PBX1: variants seen among roughly 807,000 people sequenced by gnomAD.
The protein encoded by PBX1 is PBX homeobox 1.
A neutral mutation model predicts 53.4 loss-of-function variants in PBX1; 6 were observed. That is an observed-to-expected ratio of 0.11 (90% CI 0.06 to 0.22). The LOEUF (loss-of-function observed/expected upper bound fraction) is 0.22. PBX1 is among the 10% of genes least tolerant of loss of function. The pLI is 1.00. For missense variants in PBX1, 251 were observed against 551.4 expected, an observed-to-expected ratio of 0.46 and a Z score of 5.46; for synonymous variants, 204 against 212.3, an observed-to-expected ratio of 0.96 and a Z score of 0.34.
intron 6 of PBX1, chr1:164,815,774 G>C (rs1417575287): frequency 6.6e-6 from 1 of 152,168 alleles, no homozygotes; most frequent in Non-Finnish European, 1.5e-5. Context: ...ATTCAATTAA[G>C]TTCACCTGGT....
At chr1:164,629,562 A>G (rs1245862139) in intron 2 of PBX1, among the ~76,000 whole-genome samples, 1 of 152,236 alleles carries the variant, frequency 6.6e-6, no homozygotes, top group African/African-American at 2.4e-5. Flanking sequence ...TGTCTTGCTA[A>G]GATCACTCAT....
At chr1:164,816,189 A>G (rs978334764) in intron 6 of PBX1, 49 of 152,208 alleles carry the variant, frequency 3.2e-4, no homozygotes, top group African/African-American at 1.1e-3. Flanking sequence ...ATACATACCT[A>G]TTGAAGGGTT....
At chr1:164,627,262 A>G (rs1658108250) in intron 2 of PBX1, among the ~76,000 whole-genome samples, 1 of 152,218 alleles carries the variant, frequency 6.6e-6, no homozygotes, top group South Asian at 2.1e-4. Context: ...CATAAGTTAC[A>G]GTCCCCTTTC....
At chr1:164,563,195 C>T in intron 1 of PBX1, 43 bp from the exon 2 acceptor site, 2 of 1,400,212 alleles carry the variant, frequency 1.4e-6, no homozygotes, top group African/African-American at 2.9e-5. Context: ...GCAGTTTGAT[C>T]TTGAGAGTCC....
intron 2 of PBX1, among the ~76,000 whole-genome samples, chr1:164,869,190 G>A (rs1040383269): frequency 6.6e-6 from 1 of 152,148 alleles, no homozygotes; most frequent in Non-Finnish European, 1.5e-5. Context: ...CCCTGAACAT[G>A]CCCGATCTCG....
chr1:164,588,903 T>C (rs1376056605), intron 2 of PBX1, among the ~76,000 whole-genome samples: 2 of 152,104 alleles, frequency 1.3e-5, no homozygotes, highest in African/African-American at 2.4e-5. Flanking sequence ...CCCTCTTTTT[T>C]CCTTTCTGTT....
At chr1:164,723,533 GTCATGCCATCTGACCA>G (rs1455418665) in intron 2 of PBX1, among the ~76,000 whole-genome samples, 1 of 152,186 alleles carries the variant, frequency 6.6e-6, no homozygotes, top group African/African-American at 2.4e-5. Flanking sequence ...CAAACCCTCA[GTCATGCCATCTGACCA>G]TCTGAGGTTG....
intron 2 of PBX1, among the ~76,000 whole-genome samples, chr1:164,635,503 C>T (rs1038603384): frequency 1.3e-5 from 2 of 152,244 alleles, no homozygotes; most frequent in Non-Finnish European, 2.9e-5. Flanking sequence ...ACTCGACAGG[C>T]GTTTGTCGGA....
intron 2 of PBX1, among the ~76,000 whole-genome samples, chr1:164,616,103 GTC>G (rs138509579): frequency 1.3e-5 from 2 of 151,062 alleles, no homozygotes; most frequent in Non-Finnish European, 1.5e-5. Flanking sequence ...AGTTGGCTTA[GTC>G]TCTCTCTCTC....
At chr1:164,703,542 C>T (rs1557953692) in intron 2 of PBX1, among the ~76,000 whole-genome samples, 1 of 152,130 alleles carries the variant, frequency 6.6e-6, no homozygotes, top group African/African-American at 2.4e-5. Context: ...AAAATGGCTC[C>T]CTGCTCATTA....
chr1:164,780,430 CT>C (rs1215217069), intron 2 of PBX1, among the ~76,000 whole-genome samples: 1 of 152,158 alleles, frequency 6.6e-6, no homozygotes, highest in Non-Finnish European at 1.5e-5. Context: ...GTCGAGAAGC[CT>C]TGTTCAGGAT....
chr1:164,726,925 A>AC (rs1664728631), intron 2 of PBX1, among the ~76,000 whole-genome samples: 2 of 152,126 alleles, frequency 1.3e-5, no homozygotes, highest in East Asian at 1.9e-4. Context: ...TGCTGTTTTT[A>AC]CCCCCAAGAG....
chr1:164,683,568 T>G (rs1318303773), intron 2 of PBX1: 1 of 152,190 alleles, frequency 6.6e-6, no homozygotes, highest in Non-Finnish European at 1.5e-5. Context: ...ATCTAAGTCT[T>G]TCTTCTGTAT....
At chr1:164,705,526 C>T (rs4656418) in intron 2 of PBX1, among the ~76,000 whole-genome samples, 38,977 of 151,958 alleles carry the variant, frequency 0.26, 5,143 homozygotes, top group Non-Finnish European at 0.28. Flanking sequence ...TTACTTAAGC[C>T]TCAGGACATG....
At chr1:164,595,499 G>C (rs1400501201) in intron 2 of PBX1, among the ~76,000 whole-genome samples, 2 of 151,764 alleles carry the variant, frequency 1.3e-5, no homozygotes, top group East Asian at 3.9e-4. Context: ...ATGATGGTGG[G>C]AGCCTTTTTT....
At chr1:164,674,863 AC>A (rs1207723306) in intron 2 of PBX1, 1 of 15,892 alleles carries the variant, frequency 6.3e-5, no homozygotes, top group African/African-American at 1.9e-4. Context: ...CCCCCCCCCC[AC>A]CCACCACCAA....
Position 164,792,484 on chromosome 1 carries a change from T to G in PBX1, c.266-10T>G. 1 of 1,613,714 alleles carries G rather than the reference T, an allele frequency of 6.2e-7. No individual in the cohort carries two copies. Among genetic ancestry groups the G allele is most frequent in the Non-Finnish European group, 8.5e-7 (1 of 1,179,982 alleles). On this transcript the variant is annotated splice_polypyrimidine_tract_variant and intron_variant, in intron 2 of 8. Transcript: ENST00000420696. ...ACTATTAACGCTCCCTTCCCTGTCT[T>G]TTTCTGTAGTTTTGAGTATCCGAGG...
chr1:164,752,738 T>C (rs1050318016), intron 2 of PBX1, among the ~76,000 whole-genome samples: 6 of 152,144 alleles, frequency 3.9e-5, no homozygotes, highest in Non-Finnish European at 8.8e-5. Context: ...AGGGGCAATT[T>C]TGATGTGGAT....
chr1:164,878,962 T>A (rs998795167), intron 2 of PBX1, among the ~76,000 whole-genome samples: 2 of 152,192 alleles, frequency 1.3e-5, no homozygotes, highest in Non-Finnish European at 2.9e-5. Context: ...ACTTAAGTGT[T>A]CTTTGTATGA....
Sources: gnomAD v4.1 joint callset for allele counts (sites outside exome capture counted in the v4.1 genomes callset) on GRCh38, gnomAD v4.1.1 for gene constraint, MANE v1.5 for transcripts, NCBI Gene and HGNC (gene_info 2026-07-23, HGNC 2026-07-21) for gene names.